The following PDGFC variants were observed in gnomAD, a reference collection of about 807,000 sequenced individuals.
PDGFC encodes platelet derived growth factor C.
In PDGFC, 12 loss-of-function variants were observed where a neutral mutation model predicts 35.5. That is an observed-to-expected ratio of 0.34 (90% confidence interval 0.22 to 0.55). The LOEUF is 0.55. PDGFC is among the 20% of genes least tolerant of loss of function. The pLI, the probability that PDGFC is intolerant of heterozygous loss-of-function variation, is 0.91. For synonymous variants in PDGFC, 159 were observed against 148.8 expected (o/e 1.07, Z -0.50); for missense variants, 322 against 412.4 (o/e 0.78, Z 1.90).
chr4:156,820,114 G>A (rs1390260789), intron 2 of PDGFC, among the ~76,000 whole-genome samples: 1 of 152,154 alleles, frequency 6.6e-6, no homozygotes, highest in African/African-American at 2.4e-5. Context: ...TCTTATGGAT[G>A]GGCAAACAAA....
At chr4:156,786,077 A>T (rs1731119181) in intron 3 of PDGFC, among the ~76,000 whole-genome samples, 1 of 152,180 alleles carries the variant, frequency 6.6e-6, no homozygotes, top group South Asian at 2.1e-4. Flanking sequence ...TAATATGATC[A>T]TTCATAACCA....
intron 3 of PDGFC, among the ~76,000 whole-genome samples, chr4:156,802,583 CAT>C (rs1004122334): frequency 1.2e-4 from 17 of 142,860 alleles, no homozygotes; most frequent in African/African-American, 2.4e-4. Context: ...CACACACACA[CAT>C]ATACATTTTA....
intron 2 of PDGFC, among the ~76,000 whole-genome samples, chr4:156,840,426 G>T (rs1484080959): frequency 6.6e-6 from 1 of 152,202 alleles, no homozygotes; most frequent in Non-Finnish European, 1.5e-5. Flanking sequence ...ATTGAGGTTT[G>T]GGAATCTCCA....
chr4:156,963,033 C>T (rs1324808353), intron 1 of PDGFC, among the ~76,000 whole-genome samples: 2 of 152,068 alleles, frequency 1.3e-5, no homozygotes, highest in African/African-American at 4.8e-5. Context: ...CTTGCACTTA[C>T]CATTAAAATG....
intron 3 of PDGFC, among the ~76,000 whole-genome samples, chr4:156,801,618 C>T (rs1019536154): frequency 6.6e-6 from 1 of 152,112 alleles, no homozygotes; most frequent in Admixed American, 6.6e-5. Context: ...ATACTATGTC[C>T]TTAATATACT....
intron 2 of PDGFC, among the ~76,000 whole-genome samples, chr4:156,843,170 G>A (rs1729245685): frequency 6.6e-6 from 1 of 152,130 alleles, no homozygotes; most frequent in African/African-American, 2.4e-5. Flanking sequence ...AACGGGATCA[G>A]CAGTCTTATA....
intron 1 of PDGFC, among the ~76,000 whole-genome samples, chr4:156,938,013 G>A (rs1387810533): frequency 6.6e-6 from 1 of 152,060 alleles, no homozygotes; most frequent in East Asian, 1.9e-4. Flanking sequence ...TATTAAATTT[G>A]TGTAGTATCA....
chr4:156,919,706 G>A (rs1731229494), intron 1 of PDGFC, among the ~76,000 whole-genome samples: 2 of 152,098 alleles, frequency 1.3e-5, no homozygotes, highest in Non-Finnish European at 2.9e-5. Flanking sequence ...ATGACTTCCT[G>A]TAGTCATTTG....
At chr4:156,807,213 G>A (rs1307953200) in intron 3 of PDGFC, among the ~76,000 whole-genome samples, 1 of 151,900 alleles carries the variant, frequency 6.6e-6, no homozygotes, top group Non-Finnish European at 1.5e-5. Context: ...TTGAAATGCT[G>A]TAATTTTAAA....
Position 156,767,889 on chromosome 4 carries a change from T to C in PDGFC, c.805A>G (p.Ile269Val). The change falls in exon 5 of 6, where the codon ATT (isoleucine) becomes GTT (valine). Residue 269 changes from isoleucine to valine, a missense_variant. Physicochemically the swap from Ile to Val is conservative, Grantham distance 29. Coordinates refer to ENST00000502773, the MANE Select transcript of PDGFC (RefSeq NM_016205.3). Reference sequence around the variant, plus strand: ...ACCAGGAGACAACCTGGCCAGAAAATGGTATCGGTTCTCTTTAGTTCTTCC... The same window carrying C: ...ACCAGGAGACAACCTGGCCAGAAAACGGTATCGGTTCTCTTTAGTTCTTCC... ...IREELKRTDT[I>V]FWPGCLLVKR... is the part of the protein sequence containing the mutation. The C allele has an allele frequency of 6.2e-7, 1 of 1,612,964 alleles. No individual in the cohort carries two copies. Among genetic ancestry groups the C allele is most frequent in the Non-Finnish European group, 8.5e-7 (1 of 1,179,172 alleles).
intron 1 of PDGFC, among the ~76,000 whole-genome samples, chr4:156,951,746 A>C (rs893542008): frequency 1.4e-4 from 21 of 149,546 alleles, no homozygotes; most frequent in Admixed American, 1.3e-4. Flanking sequence ...AAAAAAAAAA[A>C]CAAAAAACCC....
At chr4:156,883,646 T>C (rs1730308512) in intron 1 of PDGFC, among the ~76,000 whole-genome samples, 1 of 152,190 alleles carries the variant, frequency 6.6e-6, no homozygotes, top group Non-Finnish European at 1.5e-5. Context: ...TATACATCAT[T>C]GAACTACAGC....
intron 1 of PDGFC, among the ~76,000 whole-genome samples, chr4:156,936,438 A>C (rs139687372): frequency 0.01 from 1,584 of 152,290 alleles, 13 homozygotes; most frequent in Non-Finnish European, 0.014. Flanking sequence ...TAGTTGGTTT[A>C]ATAAATGATT....
rs1191524702 is a variant in PDGFC at position 156,775,245 on chromosome 4, AAAGTT to A, written c.496-2357_496-2353del. 2.0e-5 allele frequency among the ~76,000 whole-genome samples: 3 copies of A among 152,274 alleles called. No individual in the cohort carries two copies. In the East Asian group the frequency reaches 5.8e-4, roughly 29 times the overall value. On this transcript the variant is annotated intron_variant, in intron 3 of 5. Transcript: ENST00000502773. ...ACTATTGATTAAATTTATGGTGTAAAAAGTTAACGCAAATTTTTGCATATTTCAAA... is the reference window on the plus strand; with the variant it reads ...ACTATTGATTAAATTTATGGTGTAAAAACGCAAATTTTTGCATATTTCAAA...
intron 1 of PDGFC, among the ~76,000 whole-genome samples, chr4:156,948,706 A>G (rs766936287): frequency 7.7e-4 from 117 of 152,136 alleles, no homozygotes; most frequent in Non-Finnish European, 5.2e-4. Flanking sequence ...GCTGCCCTAC[A>G]GCCTTTATAG....
intron 1 of PDGFC, among the ~76,000 whole-genome samples, chr4:156,904,922 C>T (rs1466032077): frequency 1.3e-5 from 2 of 151,994 alleles, no homozygotes; most frequent in African/African-American, 4.8e-5. Flanking sequence ...ATAATATTTG[C>T]CCAATAAATA....
chr4:156,899,472 C>T (rs1189372209), intron 1 of PDGFC, among the ~76,000 whole-genome samples: 4 of 152,164 alleles, frequency 2.6e-5, no homozygotes, highest in African/African-American at 9.7e-5. Context: ...TCTTCATGGA[C>T]CATTCACTTA....
chr4:156,877,671 T>C (rs1012166963), intron 1 of PDGFC, among the ~76,000 whole-genome samples: 1 of 152,176 alleles, frequency 6.6e-6, no homozygotes, highest in African/African-American at 2.4e-5. Flanking sequence ...CAAAATATAC[T>C]ACTTTACATT....
At chr4:156,968,607 A>G (rs967388477) in intron 1 of PDGFC, among the ~76,000 whole-genome samples, 5 of 152,154 alleles carry the variant, frequency 3.3e-5, no homozygotes, top group African/African-American at 1.2e-4. Context: ...CCCACCTGTT[A>G]CCCTCAAATC....
Sources: allele counts gnomAD v4.1 joint callset (sites outside exome capture counted in the v4.1 genomes callset), GRCh38; gene constraint gnomAD v4.1.1; transcripts MANE v1.5; gene names NCBI Gene and HGNC (gene_info 2026-07-23, HGNC 2026-07-21).